UNC13A: variants seen among roughly 807,000 people sequenced by gnomAD.
UNC13A encodes unc-13 homolog A, also known as protein unc-13 homolog A.
In UNC13A, 61 loss-of-function variants were observed where a neutral mutation model predicts 219.7. The observed-to-expected ratio is 0.28, with a 90% CI of 0.23 to 0.34. The LOEUF is 0.34. Ranked by LOEUF, UNC13A falls within the 10% of genes least tolerant of loss-of-function variation. The pLI, the probability that UNC13A is intolerant of heterozygous loss-of-function variation, is 1.00. For missense variants in UNC13A, 1,476 were observed against 2,270.3 expected (o/e 0.65, Z 7.11); for synonymous variants, 920 against 884.6 (o/e 1.04, Z -0.71).
chr19:17,626,975 C>T (rs774561947), intron 33 of UNC13A, among the ~76,000 whole-genome samples, 190 bp from the exon 34 acceptor site: 2 of 152,124 alleles, frequency 1.3e-5, no homozygotes, highest in African/African-American at 2.4e-5. Context: ...GGGCGGATCA[C>T]GAGGTCAAGA....
intron 8 of UNC13A, among the ~76,000 whole-genome samples, chr19:17,663,112 C>G (rs542083431): frequency 6.6e-6 from 1 of 151,946 alleles, no homozygotes; most frequent in African/African-American, 2.4e-5. Context: ...CCCCGCCCAC[C>G]CACTACCCTC....
rs1464659541 is a variant in UNC13A, at chr19:17,649,531, G to A, written c.1496C>T (p.Pro499Leu). The change falls in exon 13 of 44, where the codon CCT becomes CTT. Residue 499 changes from proline to leucine, a missense_variant. Physicochemically the swap from Pro to Leu is moderately conservative, Grantham distance 98 (BLOSUM62 -3). This residue lies in a region of UNC13A where 85 missense variants were observed against 211.5 expected (regional missense o/e 0.40). Coordinates refer to ENST00000519716, the MANE Select transcript of UNC13A (RefSeq NM_001080421.3). This position sits in a 1 kb window ranked among gnomAD's most constrained non-coding sequence, Gnocchi z 4.4. The part of the protein sequence containing the change: ...DSMPDIRKRK[P>L]IPLVSDLAMS... ...TACCAAGTCGCTCACGAGTGGGATA[G>A]GTTTCCTCTTGCGGATGTCTGGCAT... 1.2e-6 allele frequency: 2 copies of A among 1,613,828 alleles called. No homozygotes were observed. The highest frequency in any genetic ancestry group is 8.5e-7 in the Non-Finnish European group (1 of 1,179,892).
chr19:17,648,900 T>C lies in UNC13A; in HGVS notation c.1596+12A>G, dbSNP rs1042241641. 53 of 1,582,864 alleles carry C rather than the reference T, an allele frequency of 3.3e-5. No individual in the cohort carries two copies. Among genetic ancestry groups the C allele is most frequent in the Non-Finnish European group, 4.5e-5 (53 of 1,165,490 alleles). On this transcript the variant is annotated intron_variant, in intron 15 of 43. Transcript: ENST00000519716. ...CATCCCTGACCCGGGGAAAAAGAGG[T>C]GCCCCACGCACCAGCTCCTCGTTGT...
intron 43 of UNC13A, among the ~76,000 whole-genome samples, chr19:17,606,566 C>T (rs1213679658): frequency 6.6e-6 from 1 of 152,146 alleles, no homozygotes; most frequent in Non-Finnish European, 1.5e-5. Context: ...AGCTGGGCCA[C>T]GCCCACGCCT....
chr19:17,653,600 C>T (rs1430498048), intron 11 of UNC13A, among the ~76,000 whole-genome samples: 3 of 152,080 alleles, frequency 2.0e-5, no homozygotes, highest in East Asian at 3.9e-4. Context: ...CCACCCACCT[C>T]TGCCTCCCAA....
At position 17,661,936 on chromosome 19, in the gene UNC13A, C is replaced by T. The variant is rs1008828224; in HGVS notation, c.559+1596G>A. ...TGAGTTCCACCTCCTGTCAGATCAG[C>T]GGCAGCATTAGATTCTCATAGAAGG... On this transcript the variant is annotated intron_variant, in intron 8 of 43. Transcript: ENST00000519716. Among the ~76,000 whole-genome samples, 9 of 151,884 alleles carry T rather than the reference C, an allele frequency of 5.9e-5. No homozygotes were observed. In the South Asian group the frequency reaches 8.3e-4, roughly 14 times the overall value.
chr19:17,633,083 G>A (rs1599356186), intron 27 of UNC13A, 25 bp downstream of exon 27: 1 of 1,613,582 alleles, frequency 6.2e-7, no homozygotes, highest in East Asian at 2.2e-5. Context: ...GGCCAGGCTG[G>A]GGAACACTGG....
Position 17,616,306 on chromosome 19 carries a change from G to A in UNC13A, c.4558+1396C>T, listed in dbSNP as rs1014062043. 6.7e-5 allele frequency: 42 copies of A among 625,724 alleles called. 3 individuals are homozygous for A. In the South Asian group the frequency reaches 7.3e-4, roughly 11 times the overall value. The allele number at this position is 625,724 out of a possible 1,614,324, so 38.8% of individuals were successfully genotyped here. The stretch of plus-strand genomic sequence containing the variant: ...TCAGGCCTGGGCGGCGGCCCTGCAG[G>A]CCCTTGAGGCAGAAGGACGATCCTT... On this transcript the variant is annotated intron_variant, in intron 41 of 43. Transcript: ENST00000519716.
chr19:17,612,612 G>A (rs1423469998), intron 41 of UNC13A, among the ~76,000 whole-genome samples: 1 of 152,014 alleles, frequency 6.6e-6, no homozygotes, highest in Non-Finnish European at 1.5e-5. Context: ...TTTTGGGAGG[G>A]TGAGGCAAAC....
At chr19:17,683,864 G>C (rs2145934768) in intron 1 of UNC13A, among the ~76,000 whole-genome samples, 1 of 152,192 alleles carries the variant, frequency 6.6e-6, no homozygotes, top group African/African-American at 2.4e-5. Flanking sequence ...TGAGGAGGGT[G>C]AATCACTTGA....
chr19:17,630,395 G>A, intron 29 of UNC13A, 107 bp from the exon 30 acceptor site: 4 of 1,487,664 alleles, frequency 2.7e-6, no homozygotes, highest in Non-Finnish European at 3.6e-6. Flanking sequence ...AATTTCCCCG[G>A]GGTGAGATGG....
rs769332211 is a variant in UNC13A, at chr19:17,606,248, G to C, written c.4918C>G (p.Leu1640Val). 6.5e-7 allele frequency: 1 copy of C among 1,547,832 alleles called. No homozygotes were observed. The highest frequency in any genetic ancestry group is 1.2e-5 in the South Asian group (1 of 84,088). The change falls in exon 44 of 44, where the codon CTG (leucine) becomes GTG (valine). Residue 1640 changes from leucine to valine, a missense_variant. Around this residue, in one of 14 missense-constraint regions of UNC13A, gnomAD observed 187 missense variants for 172.3 expected, o/e 1.09. Coordinates refer to ENST00000519716, the MANE Select transcript of UNC13A (RefSeq NM_001080421.3). ...DRTVGLAVLQ[L>V]RELAQRGSAA... is the part of the protein sequence containing the mutation. ...CTCCCGCGCTGGGCCAGCTCACGCA[G>C]CTGCAGCACGGCCAGCCCCACCGTG... is the stretch of plus-strand genomic sequence containing the variant.
At position 17,601,654 on chromosome 19, in the gene UNC13A, G is replaced by A. The variant is rs756805661; in HGVS notation, c.*4400C>T. The A allele has an allele frequency of 6.6e-6, 1 of 152,392 alleles. No homozygotes were observed. The highest frequency in any genetic ancestry group is 1.9e-4 in the East Asian group (1 of 5,180). 9.4% of individuals were successfully genotyped at this position (152,392 alleles called of 1,614,324 possible). A position where few individuals can be genotyped will look rare whatever the true frequency, so the allele number is the denominator to read the frequency against. ...GGTTTGTGGGGGTCTGAGGGAGCAC[G>A]AGACAGGGGTGGACAGGGGTCAAGT... On this transcript the variant is annotated 3_prime_UTR_variant, in exon 44 of 44. Transcript: ENST00000519716.
At chr19:17,658,012 C>A in intron 9 of UNC13A, 50 bp downstream of exon 9, 1 of 1,581,832 alleles carries the variant, frequency 6.3e-7, no homozygotes, top group Non-Finnish European at 8.6e-7. Context: ...TCTCTCCACT[C>A]CAGGAGACAC....
chr19:17,688,282 C>G lies in UNC13A; in HGVS notation c.-83G>C. 7.3e-7 allele frequency: 1 copy of G among 1,363,256 alleles called. No individual in the cohort carries two copies. The highest frequency in any genetic ancestry group is 9.4e-7 in the Non-Finnish European group (1 of 1,058,450). The allele number at this position is 1,363,256 out of a possible 1,614,324, so 84.4% of individuals were successfully genotyped here. On this transcript the variant is annotated 5_prime_UTR_variant, in exon 1 of 44. Transcript: ENST00000519716. ...CAGCGGCCGCTGGGCTGGGGCATCTCCCGGCTGCAGCCCGCGCTTGGCTCA... is the reference window on the plus strand; with the variant it reads ...CAGCGGCCGCTGGGCTGGGGCATCTGCCGGCTGCAGCCCGCGCTTGGCTCA...
chr19:17,683,593 G>T (rs1382730513), intron 1 of UNC13A, among the ~76,000 whole-genome samples: 1 of 151,094 alleles, frequency 6.6e-6, no homozygotes, highest in Non-Finnish European at 1.5e-5. Context: ...GGAAGGTGGA[G>T]GTTTCAGTGA....
chr19:17,607,459 G>GC (rs2076544597), intron 43 of UNC13A, among the ~76,000 whole-genome samples: 1 of 113,852 alleles, frequency 8.8e-6, no homozygotes, highest in Non-Finnish European at 1.9e-5. Flanking sequence ...GATGGGGGTG[G>GC]CGGGGGGGGG....
chr19:17,611,161 T>C (rs932408807), intron 42 of UNC13A, among the ~76,000 whole-genome samples: 1 of 152,142 alleles, frequency 6.6e-6, no homozygotes, highest in African/African-American at 2.4e-5. Flanking sequence ...TAAACTGTTA[T>C]CCCAGAGAAA....
intron 42 of UNC13A, among the ~76,000 whole-genome samples, chr19:17,610,321 C>T (rs1343372054): frequency 1.3e-5 from 2 of 151,980 alleles, no homozygotes; most frequent in African/African-American, 4.8e-5. Flanking sequence ...CAAAAATCAG[C>T]TGGGCGTGGT....
Sources: gnomAD v4.1 joint callset for allele counts (sites outside exome capture counted in the v4.1 genomes callset) on GRCh38, gnomAD v4.1.1 for gene constraint, gnomAD v4.1.1 regional missense constraint, Gnocchi (gnomAD v3.1) non-coding constraint, MANE v1.5 for transcripts, NCBI Gene and HGNC (gene_info 2026-07-23, HGNC 2026-07-21) for gene names.